Variants in NRXN1 observed in about 807,000 individuals in gnomAD.
NRXN1 encodes the protein neurexin-1.
In NRXN1, 39 loss-of-function variants were observed where a neutral mutation model predicts 150.9. The ratio of observed to expected loss-of-function variants is 0.26; its 90% CI spans 0.20 to 0.34. NRXN1 has a LOEUF of 0.34. NRXN1 is among the 10% of genes least tolerant of loss of function. The pLI is 1.00. For missense variants in NRXN1, 1,815 were observed against 1,949.9 expected (o/e 0.93, Z 1.30); for synonymous variants, 924 against 757.0 (o/e 1.22, Z -3.62).
intron 12 of NRXN1, among the ~76,000 whole-genome samples, chr2:50,526,252 A>G (rs2092948854): frequency 6.6e-6 from 1 of 152,160 alleles, no homozygotes; most frequent in African/African-American, 2.4e-5. Flanking sequence ...ATAATCTTTT[A>G]TGTTTTACTT....
intron 5 of NRXN1, among the ~76,000 whole-genome samples, chr2:50,646,163 A>C (rs539745341): frequency 6.6e-6 from 1 of 152,038 alleles, no homozygotes; most frequent in South Asian, 2.1e-4. Flanking sequence ...ATATACTATT[A>C]GGTTGGTGCA....
intron 17 of NRXN1, among the ~76,000 whole-genome samples, chr2:50,427,089 G>A (rs576289889): frequency 6.6e-6 from 1 of 152,108 alleles, no homozygotes; most frequent in African/African-American, 2.4e-5. Context: ...AACTAAAAGG[G>A]TGGATTCCAA....
chr2:50,105,713 A>T (rs1223968753), intron 18 of NRXN1, among the ~76,000 whole-genome samples: 1 of 152,006 alleles, frequency 6.6e-6, no homozygotes, highest in African/African-American at 2.4e-5. Flanking sequence ...AATAAACCTA[A>T]TATTTAAAAA....
chr2:50,816,888 T>C (rs1367309152), intron 5 of NRXN1, among the ~76,000 whole-genome samples: 4 of 152,126 alleles, frequency 2.6e-5, no homozygotes, highest in Non-Finnish European at 5.9e-5. Context: ...GAATGATTTA[T>C]GTATTTTAAG....
At chr2:50,332,964 A>G (rs973357684) in intron 17 of NRXN1, among the ~76,000 whole-genome samples, 7 of 152,266 alleles carry the variant, frequency 4.6e-5, no homozygotes, top group Admixed American at 6.5e-5. Context: ...ATTAAAAGTC[A>G]ATCGATAATA....
intron 18 of NRXN1, among the ~76,000 whole-genome samples, chr2:50,098,838 T>TTTTG (rs1558874511): frequency 1.5e-4 from 1 of 6,774 alleles, no homozygotes; most frequent in African/African-American, 1.3e-3. Flanking sequence ...TAGTTTTTTT[T>TTTTG]TTTTTTTTTT....
chr2:50,553,267 T>A (rs1276683557), intron 8 of NRXN1, among the ~76,000 whole-genome samples: 1 of 152,248 alleles, frequency 6.6e-6, no homozygotes, highest in African/African-American at 2.4e-5. Flanking sequence ...CATGTGCATA[T>A]ACACACAAAC....
At chr2:50,216,697 A>G (rs976726462) in intron 18 of NRXN1, among the ~76,000 whole-genome samples, 3 of 152,068 alleles carry the variant, frequency 2.0e-5, no homozygotes, top group African/African-American at 7.2e-5. Flanking sequence ...CTTAGGGAAC[A>G]AAATGACTAC....
chr2:50,075,775 C>T (rs1696992567), intron 19 of NRXN1, among the ~76,000 whole-genome samples: 1 of 140,694 alleles, frequency 7.1e-6, no homozygotes, highest in African/African-American at 2.8e-5. Context: ...CTTGGGCAAT[C>T]CCAACGTGCT....
intron 17 of NRXN1, among the ~76,000 whole-genome samples, chr2:50,393,955 G>C (rs1158858201): frequency 6.6e-6 from 1 of 152,098 alleles, no homozygotes; most frequent in Non-Finnish European, 1.5e-5. Flanking sequence ...ATTGAAGAAT[G>C]TTTCTCTACA....
chr2:50,454,704 A>C (rs1014248495), intron 17 of NRXN1, among the ~76,000 whole-genome samples: 4 of 150,888 alleles, frequency 2.7e-5, no homozygotes, highest in Admixed American at 6.6e-5. Flanking sequence ...ACACACACAC[A>C]GTTAATTAAC....
intron 5 of NRXN1, among the ~76,000 whole-genome samples, chr2:50,920,485 T>C (rs1277282118): frequency 6.6e-6 from 1 of 151,760 alleles, no homozygotes; most frequent in Admixed American, 6.6e-5. Flanking sequence ...ATTGTGTATT[T>C]ATACATGCAT....
chr2:50,967,686 T>A (rs192710241), intron 2 of NRXN1, among the ~76,000 whole-genome samples: 1 of 152,094 alleles, frequency 6.6e-6, no homozygotes, highest in Non-Finnish European at 1.5e-5. Context: ...AAATGGAGAA[T>A]TCTTCTTCCA....
intron 19 of NRXN1, among the ~76,000 whole-genome samples, chr2:50,063,218 T>G (rs1455353230): frequency 6.6e-6 from 1 of 152,220 alleles, no homozygotes; most frequent in Admixed American, 6.5e-5. Flanking sequence ...CTCACTTGGC[T>G]GATAATGTTC....
At chr2:50,724,739 AT>A (rs1159084158) in intron 5 of NRXN1, among the ~76,000 whole-genome samples, 1 of 152,156 alleles carries the variant, frequency 6.6e-6, no homozygotes, top group East Asian at 1.9e-4. Flanking sequence ...AATTGAGGTA[AT>A]TAAGAAAAAA....
intron 5 of NRXN1, among the ~76,000 whole-genome samples, chr2:50,664,371 A>G (rs1366965168): frequency 2.1e-5 from 3 of 141,614 alleles, no homozygotes; most frequent in African/African-American, 7.8e-5. Flanking sequence ...TTAAAAATAA[A>G]CTTTTGAGAA....
intron 17 of NRXN1, among the ~76,000 whole-genome samples, chr2:50,417,784 A>C (rs922052670): frequency 6.6e-6 from 1 of 151,952 alleles, no homozygotes; most frequent in Admixed American, 6.6e-5. Flanking sequence ...CAAAGAAGAA[A>C]TGTACTGAAA....
intron 5 of NRXN1, chr2:50,632,659 T>A (rs374231394): frequency 6.6e-6 from 1 of 152,152 alleles, no homozygotes; most frequent in East Asian, 1.9e-4. Context: ...ATTTAGAACA[T>A]CTTTTAAGAA....
intron 2 of NRXN1, among the ~76,000 whole-genome samples, chr2:50,978,852 G>C (rs911839653): frequency 3.9e-5 from 6 of 152,016 alleles, no homozygotes; most frequent in African/African-American, 1.4e-4. Context: ...GTGTGAACTT[G>C]TAGGACTATA....
Sources: gnomAD v4.1 joint callset for allele counts (sites outside exome capture counted in the v4.1 genomes callset) on GRCh38, gnomAD v4.1.1 for gene constraint, MANE v1.5 for transcripts, NCBI Gene and HGNC (gene_info 2026-07-23, HGNC 2026-07-21) for gene names.